RBFOX3: variants seen among roughly 807,000 people sequenced by gnomAD.
RBFOX3 encodes the protein RNA binding fox-1 homolog 3.
A neutral mutation model predicts 48.7 loss-of-function variants in RBFOX3; 17 were observed. The ratio of observed to expected loss-of-function variants is 0.35; its 90% CI spans 0.24 to 0.52. The LOEUF is 0.52. RBFOX3 is among the 20% of genes least tolerant of loss of function. RBFOX3 has a pLI of 0.94. For missense variants in RBFOX3, 382 were observed against 497.5 expected, an observed-to-expected ratio of 0.77 and a Z score of 2.21; for synonymous variants, 212 against 209.5, an observed-to-expected ratio of 1.01 and a Z score of -0.10.
chr17:79,167,862 T>C (rs539675177), intron 4 of RBFOX3, among the ~76,000 whole-genome samples: 355 of 152,280 alleles, frequency 2.3e-3, no homozygotes, highest in South Asian at 4.8e-3. Flanking sequence ...TCAGAGCTCA[T>C]CCGGGACCCT....
At chr17:79,524,704 A>G (rs1051115496) in intron 1 of RBFOX3, among the ~76,000 whole-genome samples, 52 of 152,298 alleles carry the variant, frequency 3.4e-4, no homozygotes, top group Middle Eastern at 3.4e-3. Flanking sequence ...AGCGTGGAGC[A>G]GACACGGGCA....
chr17:79,194,238 G>C (rs900462065), intron 4 of RBFOX3, among the ~76,000 whole-genome samples: 3 of 152,176 alleles, frequency 2.0e-5, no homozygotes, highest in Admixed American at 2.0e-4. Context: ...TAGTGGCTGA[G>C]AGGTGGAGCA....
intron 2 of RBFOX3, among the ~76,000 whole-genome samples, chr17:79,444,885 A>G (rs2071913427): frequency 6.6e-6 from 1 of 152,170 alleles, no homozygotes; most frequent in Non-Finnish European, 1.5e-5. Context: ...ATCTAATTCT[A>G]GAACGTTTTC....
intron 14 of RBFOX3, chr17:79,094,157 G>C (rs1417361231): frequency 4.9e-6 from 2 of 405,210 alleles, no homozygotes; most frequent in East Asian, 7.2e-5. Context: ...GGCCTCAACG[G>C]GACTTTATTA....
At position 79,390,893 on chromosome 17, in the gene RBFOX3, G is replaced by C. The variant is rs542734486; in HGVS notation, c.-174-83069C>G. On this transcript the variant is annotated intron_variant, in intron 2 of 14. Transcript: ENST00000693108. The surrounding 1 kb of genome is among the most constrained non-coding windows in gnomAD (Gnocchi z 4.2). ...CCCAGACACCTCGGGATGAGCCCCT[G>C]GTGGGACTGCTCGGGTGCCGGCAGG... 6.6e-6 allele frequency among the ~76,000 whole-genome samples: 1 copy of C among 152,290 alleles called. No homozygotes were observed. The highest frequency in any genetic ancestry group is 1.5e-5 in the Non-Finnish European group (1 of 68,024).
chr17:79,180,840 A>C lies in RBFOX3; in HGVS notation c.-34+54926T>G, dbSNP rs143559464. ...GCGAGGGAAGGAAAGTGAATGCTCAAAGCCCGGGGCAACAGCAGGCTCTGG... is the reference window on the plus strand; with the variant it reads ...GCGAGGGAAGGAAAGTGAATGCTCACAGCCCGGGGCAACAGCAGGCTCTGG... On this transcript the variant is annotated intron_variant, in intron 4 of 14. Coordinates refer to ENST00000693108, the MANE Select transcript of RBFOX3 (RefSeq NM_001350451.2). 4.6e-5 allele frequency among the ~76,000 whole-genome samples: 7 copies of C among 151,564 alleles called. No homozygotes were observed. In the South Asian group the frequency reaches 1.2e-3, roughly 27 times the overall value.
At chr17:79,656,419 GC>G in the RBFOX3 span, among the ~76,000 whole-genome samples, 63 of 152,274 alleles carry the variant, frequency 4.1e-4, no homozygotes, top group African/African-American at 1.4e-3. Context: ...TTCAAGACTA[GC>G]CTGGCCAACA....
chr17:79,486,660 G>A (rs908150388), intron 1 of RBFOX3, among the ~76,000 whole-genome samples: 3 of 152,140 alleles, frequency 2.0e-5, no homozygotes, highest in Admixed American at 1.3e-4. Context: ...AGGAGTCCAG[G>A]GAGAGGCTTA....
At chr17:79,474,120 G>GAA (rs140445430) in intron 2 of RBFOX3, among the ~76,000 whole-genome samples, 30 of 142,514 alleles carry the variant, frequency 2.1e-4, no homozygotes, top group East Asian at 4.1e-4. Flanking sequence ...TGTCAATGCA[G>GAA]AAAAAAAAAA....
chr17:79,635,438 C>A, the RBFOX3 span, among the ~76,000 whole-genome samples: 1 of 152,174 alleles, frequency 6.6e-6, no homozygotes, highest in Non-Finnish European at 1.5e-5. Flanking sequence ...CCCTTCCTGC[C>A]TCCTCCCAGA....
At chr17:79,387,398 G>T (rs114519990) in intron 2 of RBFOX3, among the ~76,000 whole-genome samples, 1 of 152,274 alleles carries the variant, frequency 6.6e-6, no homozygotes, top group East Asian at 1.9e-4. Context: ...CACACTCTGG[G>T]GAACACTCAT....
chr17:79,455,263 C>G (rs544437262), intron 2 of RBFOX3, among the ~76,000 whole-genome samples: 1 of 152,136 alleles, frequency 6.6e-6, no homozygotes, highest in Non-Finnish European at 1.5e-5. Context: ...GCTACCGTGA[C>G]GGGGGAGCGG....
intron 5 of RBFOX3, among the ~76,000 whole-genome samples, chr17:79,109,003 TC>T (rs2077981238): frequency 6.6e-6 from 1 of 152,238 alleles, no homozygotes; most frequent in Non-Finnish European, 1.5e-5. Context: ...GGAACCGCTG[TC>T]CCGATGCTCA....
chr17:79,334,072 T>G (rs1223849489), intron 2 of RBFOX3, among the ~76,000 whole-genome samples: 1 of 152,144 alleles, frequency 6.6e-6, no homozygotes, highest in Non-Finnish European at 1.5e-5. Flanking sequence ...CATTTCTTGT[T>G]TCTGTTGCTT....
intron 1 of RBFOX3, among the ~76,000 whole-genome samples, chr17:79,506,028 A>C (rs1555778654): frequency 3.3e-5 from 5 of 152,206 alleles, no homozygotes; most frequent in Non-Finnish European, 1.5e-5. Context: ...TCCCATATGC[A>C]CCAAACACAT....
chr17:79,345,518 G>A (rs1389784567), intron 2 of RBFOX3, among the ~76,000 whole-genome samples: 1 of 152,108 alleles, frequency 6.6e-6, no homozygotes, highest in Non-Finnish European at 1.5e-5. Flanking sequence ...CCAATCAAAT[G>A]GAAGTTAAAC....
intron 1 of RBFOX3, among the ~76,000 whole-genome samples, chr17:79,514,606 C>T (rs1222652788): frequency 3.3e-5 from 5 of 152,202 alleles, no homozygotes; most frequent in African/African-American, 1.2e-4. Flanking sequence ...TCTGGGGCCA[C>T]AGGCAAGTTT....
chr17:79,326,569 C>G (rs1281674466), intron 2 of RBFOX3, among the ~76,000 whole-genome samples: 3 of 152,168 alleles, frequency 2.0e-5, no homozygotes, highest in Non-Finnish European at 4.4e-5. Flanking sequence ...AAGGAGGTGC[C>G]AGGTTTCCAG....
the RBFOX3 span, among the ~76,000 whole-genome samples, chr17:79,637,824 A>C: frequency 8.1e-6 from 1 of 122,866 alleles, no homozygotes; most frequent in East Asian, 2.5e-4. Flanking sequence ...AAGGGAAGGG[A>C]AGGGAAGGGG....
Sources: gnomAD v4.1 joint callset for allele counts (sites outside exome capture counted in the v4.1 genomes callset) on GRCh38, gnomAD v4.1.1 for gene constraint, Gnocchi (gnomAD v3.1) non-coding constraint, MANE v1.5 for transcripts, NCBI Gene and HGNC (gene_info 2026-07-23, HGNC 2026-07-21) for gene names.